Variants in MTDH observed in about 807,000 individuals in gnomAD.
MTDH encodes the protein metadherin.
A neutral mutation model predicts 72.7 loss-of-function variants in MTDH; 34 were observed. The observed-to-expected ratio is 0.47, with a 90% CI of 0.36 to 0.62. The LOEUF is 0.62. Ranked by LOEUF, MTDH falls within the 20% of genes least tolerant of loss-of-function variation. MTDH has a pLI of 0.00. For synonymous variants in MTDH, 266 were observed against 268.9 expected (o/e 0.99, Z 0.10); for missense variants, 677 against 699.4 (o/e 0.97, Z 0.36).
chr8:97,674,338 A>G (rs1012460055), intron 2 of MTDH, among the ~76,000 whole-genome samples: 44 of 152,216 alleles, frequency 2.9e-4, no homozygotes, highest in Non-Finnish European at 5.9e-4. Context: ...GGGGAAATCA[A>G]TTGCAGACTT....
At chr8:97,680,417 G>A (rs1334406801) in intron 2 of MTDH, among the ~76,000 whole-genome samples, 2 of 152,074 alleles carry the variant, frequency 1.3e-5, no homozygotes, top group African/African-American at 4.8e-5. Context: ...TGTTCCACGT[G>A]CAAATATTGT....
intron 9 of MTDH, among the ~76,000 whole-genome samples, chr8:97,717,087 T>C (rs1814905334): frequency 6.6e-6 from 1 of 152,160 alleles, no homozygotes. Flanking sequence ...ATTGCAAAAC[T>C]TTGAAAAACT....
chr8:97,722,516 C>T (rs182515718), intron 10 of MTDH, among the ~76,000 whole-genome samples: 2 of 152,204 alleles, frequency 1.3e-5, no homozygotes, highest in East Asian at 1.9e-4. Flanking sequence ...GCAGGAGAAT[C>T]GTTTGAACCC....
intron 8 of MTDH, among the ~76,000 whole-genome samples, chr8:97,710,121 A>T (rs1814560051): frequency 6.6e-6 from 1 of 152,208 alleles, no homozygotes; most frequent in Non-Finnish European, 1.5e-5. Context: ...CACAACTTGT[A>T]GCCAACCAGC....
chr8:97,701,156 G>A (rs1192744033), intron 7 of MTDH, among the ~76,000 whole-genome samples: 1 of 152,114 alleles, frequency 6.6e-6, no homozygotes, highest in Non-Finnish European at 1.5e-5. Flanking sequence ...ATAGGTTGTT[G>A]TGAGGCTTTA....
At chr8:97,653,914 A>T (rs1268646534) in intron 1 of MTDH, among the ~76,000 whole-genome samples, 1 of 152,226 alleles carries the variant, frequency 6.6e-6, no homozygotes, top group East Asian at 1.9e-4. Flanking sequence ...TATTTGCTGT[A>T]TCATTTGTAG....
At chr8:97,674,336 C>G (rs770463337) in intron 2 of MTDH, among the ~76,000 whole-genome samples, 9 of 152,216 alleles carry the variant, frequency 5.9e-5, no homozygotes, top group Non-Finnish European at 1.3e-4. Context: ...GGGGGGAAAT[C>G]AATTGCAGAC....
chr8:97,664,277 A>G (rs1228818452), intron 2 of MTDH, among the ~76,000 whole-genome samples: 4 of 152,008 alleles, frequency 2.6e-5, no homozygotes, highest in Non-Finnish European at 5.9e-5. Flanking sequence ...AATCACTTGA[A>G]CACAGGAGGT....
chr8:97,662,866 T>G (rs1355639233), intron 2 of MTDH, among the ~76,000 whole-genome samples: 4 of 150,772 alleles, frequency 2.7e-5, no homozygotes, highest in African/African-American at 9.7e-5. Flanking sequence ...TTTGAAGAAG[T>G]GGCTAAGTCA....
At chr8:97,663,438 T>C (rs1563527587) in intron 2 of MTDH, among the ~76,000 whole-genome samples, 1 of 152,160 alleles carries the variant, frequency 6.6e-6, no homozygotes, top group East Asian at 1.9e-4. Flanking sequence ...GAGTACTTAC[T>C]AGATATACTT....
intron 2 of MTDH, among the ~76,000 whole-genome samples, chr8:97,666,694 A>T (rs1320351572): frequency 6.6e-6 from 1 of 152,046 alleles, no homozygotes; most frequent in Non-Finnish European, 1.5e-5. Context: ...TCCACTCATT[A>T]TATTCTTGTT....
chr8:97,667,454 A>G lies in MTDH; in HGVS notation c.483+6281A>G, dbSNP rs115552444. ...AATATATGCATAAAGTTTGCTGCAA[A>G]ATGAAGACTGATGATTGTCTTGAGG... On this transcript the variant is annotated intron_variant, in intron 2 of 11. Coordinates refer to ENST00000336273, the MANE Select transcript of MTDH (RefSeq NM_178812.4). 2.6e-3 allele frequency among the ~76,000 whole-genome samples: 396 copies of G among 152,358 alleles called. 1 individual carries two copies. Among genetic ancestry groups the G allele is most frequent in the African/African-American group, 9.0e-3 (373 of 41,584 alleles).
intron 7 of MTDH, among the ~76,000 whole-genome samples, chr8:97,703,208 A>T (rs1814208207): frequency 6.6e-6 from 1 of 152,148 alleles, no homozygotes; most frequent in Non-Finnish European, 1.5e-5. Flanking sequence ...CTACAAAAAA[A>T]AATTAGCTGG....
intron 8 of MTDH, among the ~76,000 whole-genome samples, chr8:97,707,975 C>CT (rs1814433523): frequency 7.5e-6 from 1 of 133,280 alleles, no homozygotes; most frequent in African/African-American, 2.8e-5. Flanking sequence ...TTTTTTTTTT[C>CT]TTTTTCTTTT....
chr8:97,715,937 ATAAG>A (rs1814851834), intron 9 of MTDH, among the ~76,000 whole-genome samples: 1 of 152,296 alleles, frequency 6.6e-6, no homozygotes, highest in African/African-American at 2.4e-5. Context: ...AATATAATGA[ATAAG>A]TATTCTAGGT....
At chr8:97,704,538 G>T (rs1464886470) in intron 7 of MTDH, among the ~76,000 whole-genome samples, 1 of 152,048 alleles carries the variant, frequency 6.6e-6, no homozygotes, top group Non-Finnish European at 1.5e-5. Flanking sequence ...AGCCCCAGGA[G>T]GTTAAGGCTG....
At chr8:97,646,392 G>C (rs923914265) in intron 1 of MTDH, among the ~76,000 whole-genome samples, 2 of 152,206 alleles carry the variant, frequency 1.3e-5, no homozygotes, top group Non-Finnish European at 2.9e-5. Flanking sequence ...TTAAAAATTT[G>C]TGGAGACTAT....
chr8:97,665,924 C>G (rs1050070818), intron 2 of MTDH, among the ~76,000 whole-genome samples: 13 of 152,110 alleles, frequency 8.5e-5, no homozygotes, highest in South Asian at 8.3e-4. Context: ...GTCAGGAGAT[C>G]GAGGCCATCC....
intron 2 of MTDH, among the ~76,000 whole-genome samples, chr8:97,681,437 A>G (rs911059869): frequency 1.3e-5 from 2 of 151,680 alleles, no homozygotes; most frequent in East Asian, 3.9e-4. Flanking sequence ...AATGAAAATT[A>G]ATTGGATTGA....
Sources: allele counts gnomAD v4.1 joint callset (sites outside exome capture counted in the v4.1 genomes callset), GRCh38; gene constraint gnomAD v4.1.1; transcripts MANE v1.5; gene names NCBI Gene and HGNC (gene_info 2026-07-23, HGNC 2026-07-21).